The following HDAC9 variants were observed in gnomAD, a reference collection of about 807,000 sequenced individuals.
HDAC9 encodes histone deacetylase 9.
HDAC9 carries 41 observed loss-of-function variants against 139.4 expected under a neutral mutation model. That is an observed-to-expected ratio of 0.29 (90% CI 0.23 to 0.38). The LOEUF (loss-of-function observed/expected upper bound fraction) is 0.38. Among genes scored for constraint, HDAC9 ranks in the 10% least tolerant of loss-of-function variants. HDAC9 has a pLI of 1.00. For synonymous variants in HDAC9, 517 were observed against 476.2 expected, an observed-to-expected ratio of 1.09 and a Z score of -1.12; for missense variants, 1,147 against 1,297.0, an observed-to-expected ratio of 0.88 and a Z score of 1.78.
intron 16 of HDAC9, among the ~76,000 whole-genome samples, chr7:18,786,514 C>G (rs945271443): frequency 7.5e-6 from 1 of 133,346 alleles, no homozygotes; most frequent in Non-Finnish European, 1.6e-5. Context: ...TCCTCTCTCT[C>G]ATGTACTTTT....
Position 18,451,389 on chromosome 7 carries a change from G to GTATATATATA in HDAC9, c.-41-44872_-41-44871insATATATATAT, listed in dbSNP as rs1563001072. Among the ~76,000 whole-genome samples the GTATATATATA allele has an allele frequency of 1.3e-3, 187 of 139,922 alleles. 1 individual carries two copies. The highest frequency in any genetic ancestry group is 3.9e-3 in the African/African-American group (151 of 38,708). 91.8% of individuals were successfully genotyped at this position (139,922 alleles called of 152,430 possible). ...TGTGCGTGTGTGTGTGTGTGTGTGT[G>GTATATATATA]TGTGTGTGTGTGTATATATGTGTGT... On this transcript the variant is annotated intron_variant, in intron 1 of 3. Coordinates refer to the HDAC9 transcript ENST00000413509.
chr7:18,618,642 A>G (rs1839340600), intron 6 of HDAC9, among the ~76,000 whole-genome samples: 1 of 151,146 alleles, frequency 6.6e-6, no homozygotes, highest in African/African-American at 2.4e-5. Context: ...GGGACATTAA[A>G]ACATTATATA....
Position 18,667,072 on chromosome 7 carries a change from G to A in HDAC9, c.1731+596G>A, listed in dbSNP as rs374084385. ...GCCAGTAGTCCTAGGTTATTGTGTA[G>A]GTTGCAATTGAACATATTAGGAATA... On this transcript the variant is annotated intron_variant, in intron 12 of 25. Transcript: ENST00000686413. 3.0e-6 allele frequency: 3 copies of A among 985,268 alleles called. No homozygotes were observed. In the African/African-American group the frequency reaches 5.2e-5, roughly 17 times the overall value. 61.0% of individuals were successfully genotyped at this position (985,268 alleles called of 1,614,324 possible). A position where few individuals can be genotyped will look rare whatever the true frequency, so the allele number is the denominator to read the frequency against.
intron 25 of HDAC9, among the ~76,000 whole-genome samples, chr7:18,984,981 TC>T (rs1176513978): frequency 1.3e-5 from 2 of 152,180 alleles, no homozygotes; most frequent in African/African-American, 2.4e-5. Flanking sequence ...GGGAATATAT[TC>T]CCAATCACAC....
intron 2 of HDAC9, among the ~76,000 whole-genome samples, chr7:18,584,034 G>C (rs1828651675): frequency 6.6e-6 from 1 of 151,900 alleles, no homozygotes; most frequent in Non-Finnish European, 1.5e-5. Context: ...CATGGATGCT[G>C]GTCATTCAAA....
chr7:18,785,538 C>G (rs987014161), intron 16 of HDAC9, among the ~76,000 whole-genome samples: 1 of 152,072 alleles, frequency 6.6e-6, no homozygotes, highest in African/African-American at 2.4e-5. Flanking sequence ...AAAAGCTCAA[C>G]TCTTCTAGGT....
chr7:18,591,441 A>G, intron 4 of HDAC9, 75 bp from the exon 5 acceptor site: 1 of 1,477,636 alleles, frequency 6.8e-7, no homozygotes, highest in South Asian at 1.4e-5. Flanking sequence ...ATGAGAGGAC[A>G]AAACTCACCA....
chr7:18,596,587 G>A (rs887131194), intron 6 of HDAC9, among the ~76,000 whole-genome samples: 1 of 152,140 alleles, frequency 6.6e-6, no homozygotes, highest in African/African-American at 2.4e-5. Context: ...CATATGTGAT[G>A]ATTGGGGAAA....
chr7:18,203,421 C>A (rs1791278751), intron 2 of HDAC9, among the ~76,000 whole-genome samples: 1 of 152,086 alleles, frequency 6.6e-6, no homozygotes, highest in Admixed American at 6.6e-5. Context: ...AGGAAGTAGT[C>A]TTCCAGTTAT....
chr7:18,621,671 T>TA (rs1327373604), intron 6 of HDAC9, among the ~76,000 whole-genome samples: 1 of 152,186 alleles, frequency 6.6e-6, no homozygotes, highest in African/African-American at 2.4e-5. Context: ...TAGAAATAGT[T>TA]ACATTAGAAA....
At chr7:18,436,930 A>G (rs1385548403) in intron 1 of HDAC9, among the ~76,000 whole-genome samples, 4 of 152,222 alleles carry the variant, frequency 2.6e-5, no homozygotes, top group Non-Finnish European at 5.9e-5. Flanking sequence ...GCATGAATAC[A>G]CATATTATTA....
At chr7:18,215,272 A>T (rs1169361459) in intron 2 of HDAC9, among the ~76,000 whole-genome samples, 1 of 152,156 alleles carries the variant, frequency 6.6e-6, no homozygotes, top group Non-Finnish European at 1.5e-5. Context: ...TTTTGATATC[A>T]TTAGATGAGA....
chr7:18,999,984 C>T lies in HDAC9; in HGVS notation c.*3922C>T, dbSNP rs1328743872. 1.3e-5 allele frequency: 2 copies of T among 152,124 alleles called. No homozygotes were observed. Among genetic ancestry groups the T allele is most frequent in the African/African-American group, 2.4e-5 (1 of 41,408 alleles). The allele number at this position is 152,124 out of a possible 1,614,324, so 9.4% of individuals were successfully genotyped here. ...CATGTATCTTAACATTCTTTTCCTG[C>T]TTCAGGAATGAAATCACTTGTCCTG... On this transcript the variant is annotated 3_prime_UTR_variant, in exon 26 of 26. Transcript: ENST00000686413.
In HDAC9 at chr7:18,756,871, C is replaced by T. The variant is rs116838863; in HGVS notation, c.2044-5286C>T. On this transcript the variant is annotated intron_variant, in intron 14 of 25. Coordinates refer to ENST00000686413, the MANE Select transcript of HDAC9 (RefSeq NM_178425.4). ...GATTGCCTCCTTCCTTCTTTCACTC[C>T]CCAACCTTTTTTTTTTTTTATGAGA... is the stretch of plus-strand genomic sequence containing the variant. 2.7e-3 allele frequency among the ~76,000 whole-genome samples: 406 copies of T among 151,918 alleles called. 2 individuals are homozygous for T. The highest frequency in any genetic ancestry group is 9.5e-3 in the African/African-American group (392 of 41,466).
chr7:18,714,446 G>A (rs1039713862), intron 12 of HDAC9, among the ~76,000 whole-genome samples: 2 of 152,092 alleles, frequency 1.3e-5, no homozygotes, highest in Non-Finnish European at 2.9e-5. Context: ...GTACTGCATG[G>A]CCTCCACAAT....
chr7:18,458,786 C>A, intron 1 of HDAC9: 1 of 1,240,406 alleles, frequency 8.1e-7, no homozygotes, highest in Non-Finnish European at 1.1e-6. Context: ...TTGCTTGTCA[C>A]TCCAACTCCC....
At chr7:18,828,841 A>C in intron 17 of HDAC9, among the ~76,000 whole-genome samples, 1 of 152,232 alleles carries the variant, frequency 6.6e-6, no homozygotes, top group Admixed American at 6.5e-5. Context: ...TCATAAAATA[A>C]GGAGTTGTTC....
intron 1 of HDAC9, among the ~76,000 whole-genome samples, chr7:18,098,247 T>C (rs1782634822): frequency 6.6e-6 from 1 of 152,242 alleles, no homozygotes; most frequent in African/African-American, 2.4e-5. Flanking sequence ...CAATTTGTAG[T>C]TCTGCTGGAG....
chr7:18,918,750 C>A (rs1803431951), intron 22 of HDAC9, among the ~76,000 whole-genome samples: 1 of 152,054 alleles, frequency 6.6e-6, no homozygotes. Flanking sequence ...TCTATTGAAT[C>A]AACTAGCTGA....
Sources: gnomAD v4.1 joint callset for allele counts (sites outside exome capture counted in the v4.1 genomes callset) on GRCh38, gnomAD v4.1.1 for gene constraint, MANE v1.5 for transcripts, NCBI Gene and HGNC (gene_info 2026-07-23, HGNC 2026-07-21) for gene names.